The following CSPP1 variants were observed in gnomAD, a reference collection of about 807,000 sequenced individuals.
CSPP1 encodes centrosome and spindle pole-associated protein 1.
Under a neutral mutation model 164.4 loss-of-function variants are expected in CSPP1, and 126 were observed. The ratio of observed to expected loss-of-function variants is 0.77; its 90% CI spans 0.66 to 0.89. The LOEUF is 0.89. Ranked by LOEUF, CSPP1 falls within the 40% of genes least tolerant of loss-of-function variation. The probability of loss-of-function intolerance (pLI) is 0.00; values close to 1 mark genes in which losing one functional copy is unlikely to be tolerated. For missense variants in CSPP1, 1,395 were observed against 1,449.8 expected, an observed-to-expected ratio of 0.96 and a Z score of 0.61; for synonymous variants, 472 against 476.7, an observed-to-expected ratio of 0.99 and a Z score of 0.13.
intron 3 of CSPP1, among the ~76,000 whole-genome samples, chr8:67,078,332 C>G (rs1808384329): frequency 6.6e-6 from 1 of 151,972 alleles, no homozygotes; most frequent in Non-Finnish European, 1.5e-5. Context: ...ATATTAATTT[C>G]TTTTTCTCCT....
At chr8:67,177,438 G>GT (rs1014480963) in intron 26 of CSPP1, among the ~76,000 whole-genome samples, 6 of 152,142 alleles carry the variant, frequency 3.9e-5, no homozygotes, top group African/African-American at 1.2e-4. Flanking sequence ...GTTGGCATTA[G>GT]TTTTACATTT....
chr8:67,154,030 T>G lies in CSPP1; in HGVS notation c.2135T>G (p.Met712Arg). The G allele has an allele frequency of 6.4e-7, 1 of 1,573,948 alleles. No individual in the cohort carries two copies. Among genetic ancestry groups the G allele is most frequent in the Non-Finnish European group, 8.7e-7 (1 of 1,145,188 alleles). Residue 712 changes from methionine (M) to arginine (R), a missense_variant, in exon 19 of 31, where the codon ATG becomes AGG. Transcript: ENST00000678616. ...GCAAAATATTTCTTTCAAGGTCATA[T>G]GCAAACACAGAGCTCTCCTTTTGCT... The part of the protein sequence containing the change: ...EDAANKSSGH[M>R]QTQSSPFARG...
chr8:67,121,472 A>AT (rs1451303981), intron 15 of CSPP1, among the ~76,000 whole-genome samples: 5 of 151,772 alleles, frequency 3.3e-5, no homozygotes, highest in South Asian at 2.1e-4. Flanking sequence ...ATATTGATTG[A>AT]TTTTTTTATG....
At chr8:67,117,384 G>C (rs924437430) in intron 13 of CSPP1, among the ~76,000 whole-genome samples, 20 of 152,158 alleles carry the variant, frequency 1.3e-4, no homozygotes, top group African/African-American at 4.6e-4. Context: ...AACCTGTTAA[G>C]ATACATACAA....
At chr8:67,078,455 CCCT>C (rs1808415493) in intron 3 of CSPP1, among the ~76,000 whole-genome samples, 1 of 152,052 alleles carries the variant, frequency 6.6e-6, no homozygotes, top group Non-Finnish European at 1.5e-5. Flanking sequence ...GATTCATCCT[CCCT>C]CCTCAGCCTC....
At chr8:67,105,388 T>C (rs948458222) in intron 8 of CSPP1, among the ~76,000 whole-genome samples, 1 of 152,048 alleles carries the variant, frequency 6.6e-6, no homozygotes, top group African/African-American at 2.4e-5. Context: ...TTTGTTTTTG[T>C]TTTTGTTTTT....
chr8:67,137,777 T>G (rs991416527), intron 17 of CSPP1, among the ~76,000 whole-genome samples, 174 bp downstream of exon 17: 1 of 152,184 alleles, frequency 6.6e-6, no homozygotes, highest in Non-Finnish European at 1.5e-5. Flanking sequence ...TAGAAAGCAT[T>G]TCTTCTTCAG....
At chr8:67,100,658 C>A (rs1220577436) in intron 7 of CSPP1, among the ~76,000 whole-genome samples, 1 of 151,200 alleles carries the variant, frequency 6.6e-6, no homozygotes, top group Non-Finnish European at 1.5e-5. Flanking sequence ...TGGCTCACTG[C>A]AACCTCTGCC....
chr8:67,195,791 T>C lies in CSPP1; in HGVS notation c.*198T>C. On this transcript the variant is annotated 3_prime_UTR_variant, in exon 31 of 31. Transcript: ENST00000678616. Reference sequence around the variant, plus strand: ...ATTATTGATTTATATAATAGAATTGTATAGATTATTTTTGCACAGTTTTGT... The same window carrying C: ...ATTATTGATTTATATAATAGAATTGCATAGATTATTTTTGCACAGTTTTGT... 3.6e-6 allele frequency: 2 copies of C among 550,504 alleles called. No individual in the cohort carries two copies. Among genetic ancestry groups the C allele is most frequent in the Non-Finnish European group, 6.5e-6 (2 of 307,794 alleles). The allele number at this position is 550,504 out of a possible 1,614,324, so 34.1% of individuals were successfully genotyped here.
At chr8:67,187,642 C>T (rs1835040765) in intron 28 of CSPP1, among the ~76,000 whole-genome samples, 1 of 151,778 alleles carries the variant, frequency 6.6e-6, no homozygotes, top group South Asian at 2.1e-4. Context: ...TATGATCACG[C>T]CACTAAACTC....
rs1822600510 is a variant in CSPP1, at chr8:67,137,556, A to G, written c.1928A>G (p.Lys643Arg). 1 of 1,598,098 alleles carries G rather than the reference A, an allele frequency of 6.3e-7. No individual in the cohort carries two copies. The highest frequency in any genetic ancestry group is 1.7e-5 in the Admixed American group (1 of 58,170). ...ATGAGAACATATAATCCCTGGGGAA[A>G]AGGTGGAGGTGGTGCTCCTCTCAGG... is the stretch of plus-strand genomic sequence containing the variant. ...AEMRTYNPWGKGGGGAPLRDA... is the reference protein window; with the variant it reads ...AEMRTYNPWGRGGGGAPLRDA... Residue 643 changes from lysine to arginine, a missense_variant, in exon 17 of 31, where the codon AAA becomes AGA. Transcript: ENST00000678616.
chr8:67,085,164 T>C (rs1810118762), intron 3 of CSPP1, among the ~76,000 whole-genome samples: 1 of 152,130 alleles, frequency 6.6e-6, no homozygotes, highest in East Asian at 1.9e-4. Flanking sequence ...ATTCTGGAAA[T>C]GGATAGTGAT....
At chr8:67,168,070 A>G (rs535285533) in intron 24 of CSPP1, among the ~76,000 whole-genome samples, 1 of 152,334 alleles carries the variant, frequency 6.6e-6, no homozygotes, top group South Asian at 2.1e-4. Context: ...CGAGGCTGGC[A>G]GATCACTCGT....
intron 15 of CSPP1, among the ~76,000 whole-genome samples, chr8:67,131,210 C>T (rs939363001): frequency 3.3e-5 from 5 of 152,028 alleles, no homozygotes; most frequent in Admixed American, 6.6e-5. Context: ...GCCTGGGCAA[C>T]GTAGAAAGAC....
rs780885390 is a variant in CSPP1 at position 67,154,024 on chromosome 8, G to C, written c.2129G>C (p.Gly710Ala). Residue 710 changes from glycine (G) to alanine (A), a missense_variant and splice_region_variant, in exon 19 of 31, where the codon GGT becomes GCT. Transcript: ENST00000678616. ...GTTTTTGCAAAATATTTCTTTCAAG[G>C]TCATATGCAAACACAGAGCTCTCCT... ...NLEDAANKSSGHMQTQSSPFA... is the reference protein window; with the variant it reads ...NLEDAANKSSAHMQTQSSPFA... 5 of 1,525,982 alleles carry C rather than the reference G, an allele frequency of 3.3e-6. No homozygotes were observed. In the Admixed American group the frequency reaches 8.5e-5, roughly 26 times the overall value. 94.5% of individuals were successfully genotyped at this position (1,525,982 alleles called of 1,614,324 possible). A position where few individuals can be genotyped will look rare whatever the true frequency, so the allele number is the denominator to read the frequency against.
Position 67,140,111 on chromosome 8 carries a change from G to A in CSPP1, c.1975+2508G>A, listed in dbSNP as rs1433283424. On this transcript the variant is annotated intron_variant, in intron 17 of 30. Coordinates refer to ENST00000678616, the MANE Select transcript of CSPP1 (RefSeq NM_001382391.1). Reference sequence around the variant, plus strand: ...AATTAATTAATTTTTTCGAGACAGAGTTTCACTCTGTCACCCAGGCTGGAG... The same window carrying A: ...AATTAATTAATTTTTTCGAGACAGAATTTCACTCTGTCACCCAGGCTGGAG... 5.3e-5 allele frequency among the ~76,000 whole-genome samples: 8 copies of A among 152,088 alleles called. No individual in the cohort carries two copies. In the East Asian group the frequency reaches 1.4e-3, roughly 26 times the overall value.
Position 67,195,460 on chromosome 8 carries a change from A to G in CSPP1, c.3548A>G (p.Glu1183Gly). The change falls in exon 31 of 31, where the codon GAG becomes GGG. Residue 1183 changes from glutamate (E) to glycine (G), a missense_variant. Physicochemically the swap from Glu to Gly is moderately conservative, Grantham distance 98. Transcript: ENST00000678616. ...GACGGATCAAACTCTGTAGCAACTG[A>G]GCCCTGGCTCCGCCCTGGCACTTCA... is the stretch of plus-strand genomic sequence containing the variant. ...GDDGSNSVAT[E>G]PWLRPGTSET... 1 of 1,614,108 alleles carries G rather than the reference A, an allele frequency of 6.2e-7. No individual in the cohort carries two copies. Among genetic ancestry groups the G allele is most frequent in the Non-Finnish European group, 8.5e-7 (1 of 1,179,936 alleles).
intron 28 of CSPP1, among the ~76,000 whole-genome samples, chr8:67,186,204 T>C (rs1834531095): frequency 6.6e-6 from 1 of 152,210 alleles, no homozygotes; most frequent in South Asian, 2.1e-4. Context: ...GTGAGAACTT[T>C]CCCTACTGTG....
At chr8:67,148,229 A>G (rs577014948) in intron 17 of CSPP1, among the ~76,000 whole-genome samples, 1 of 152,210 alleles carries the variant, frequency 6.6e-6, no homozygotes, top group South Asian at 2.1e-4. Flanking sequence ...AGACTAATAT[A>G]TTAATCCCAC....
Sources: allele counts gnomAD v4.1 joint callset (sites outside exome capture counted in the v4.1 genomes callset), GRCh38; gene constraint gnomAD v4.1.1; transcripts MANE v1.5; gene names NCBI Gene and HGNC (gene_info 2026-07-23, HGNC 2026-07-21).